Variants in DLG5 observed in about 807,000 individuals in gnomAD.
DLG5 encodes the protein disks large homolog 5.
A neutral mutation model predicts 189.8 loss-of-function variants in DLG5; 48 were observed. That is an observed-to-expected ratio of 0.25 (90% CI 0.20 to 0.32). The LOEUF (loss-of-function observed/expected upper bound fraction) is 0.32, where lower values mean the gene tolerates loss of function less well. Ranked by LOEUF, DLG5 falls within the 10% of genes least tolerant of loss-of-function variation. The probability of loss-of-function intolerance (pLI) is 1.00; values close to 1 mark genes in which losing one functional copy is unlikely to be tolerated. For synonymous variants in DLG5, 1,016 were observed against 1,054.1 expected (o/e 0.96, Z 0.70); for missense variants, 2,160 against 2,544.7 (o/e 0.85, Z 3.25).
chr10:77,940,355 A>G, the DLG5 span, among the ~76,000 whole-genome samples: 3 of 152,180 alleles, frequency 2.0e-5, no homozygotes, highest in Non-Finnish European at 4.4e-5. Flanking sequence ...CTCTGAATCA[A>G]TAGGCTTTGC....
intron 1 of DLG5, among the ~76,000 whole-genome samples, chr10:77,909,817 T>C (rs1846166883): frequency 6.6e-6 from 1 of 152,140 alleles, no homozygotes; most frequent in Non-Finnish European, 1.5e-5. Flanking sequence ...CTGCTTTTTC[T>C]TGGATCCAGC....
At chr10:77,874,801 GTGT>G (rs1316482881) in intron 1 of DLG5, among the ~76,000 whole-genome samples, 4 of 152,178 alleles carry the variant, frequency 2.6e-5, no homozygotes, top group Admixed American at 1.3e-4. Flanking sequence ...GTGTTAGCTG[GTGT>G]TATTATGGTC....
rs747521065 is a variant in DLG5 at position 77,833,893 on chromosome 10, C to A, written c.1748+21G>T. Reference sequence around the variant, plus strand: ...GCTCCCAGATGCATGCCCACTCCAGCGGGTGCCCACCCGAGCCTACTTGAG... The same window carrying A: ...GCTCCCAGATGCATGCCCACTCCAGAGGGTGCCCACCCGAGCCTACTTGAG... On this transcript the variant is annotated intron_variant, in intron 9 of 31. Transcript: ENST00000372391. The A allele has an allele frequency of 2.5e-6, 4 of 1,603,070 alleles. No homozygotes were observed. The Admixed American group carries it at 6.7e-5, about 27-fold the overall frequency.
At position 77,843,463 on chromosome 10, in the gene DLG5, C is replaced by T. The variant is rs376890245; in HGVS notation, c.1108G>A (p.Ala370Thr). 20 of 1,613,676 alleles carry T rather than the reference C, an allele frequency of 1.2e-5. No homozygotes were observed. Among genetic ancestry groups the T allele is most frequent in the South Asian group, 3.3e-5 (3 of 91,094 alleles). The change falls in exon 6 of 32, where the codon GCC becomes ACC. Residue 370 changes from alanine to threonine, a missense_variant. Ala to Thr is a moderately conservative substitution (Grantham distance 58, BLOSUM62 0). This residue lies in a region of DLG5 where 664 missense variants were observed against 838.5 expected (regional missense o/e 0.79). Transcript: ENST00000372391. ...TAGCCCTACCTCCTCAGGGAGAGGG[C>T]GCACTGGTGCTGCAGCTGGATGGCC... is the stretch of plus-strand genomic sequence containing the variant. ...DTAIQLQHQCALSLRRFEAIH... is the reference protein window; with the variant it reads ...DTAIQLQHQCTLSLRRFEAIH...
In DLG5 at chr10:77,856,763, G is replaced by T. The variant is rs1381117950; in HGVS notation, c.503C>A (p.Ala168Asp). The T allele has an allele frequency of 6.2e-7, 1 of 1,613,602 alleles. No homozygotes were observed. Among genetic ancestry groups the T allele is most frequent in the Non-Finnish European group, 8.5e-7 (1 of 1,180,004 alleles). ...AAAGGCCGTGCCATGCGTAGCAAAG[G>T]CCAGGCGCTTGCGGAGCTCGTTTCT... ...RERNELRKRL[A>D]FATHGTAFDK... is the part of the protein sequence containing the mutation. The change falls in exon 3 of 32, where the codon GCC becomes GAC. Residue 168 changes from alanine to aspartate, a missense_variant. Ala to Asp is a moderately radical substitution (Grantham distance 126). Transcript: ENST00000372391.
intron 1 of DLG5, among the ~76,000 whole-genome samples, chr10:77,909,343 C>T (rs1260445787): frequency 6.6e-6 from 1 of 152,068 alleles, no homozygotes; most frequent in African/African-American, 2.4e-5. Context: ...ACATCACACA[C>T]CAGGGCCTGT....
chr10:77,909,189 T>C (rs906964818), intron 1 of DLG5, among the ~76,000 whole-genome samples: 2 of 152,162 alleles, frequency 1.3e-5, no homozygotes, highest in Non-Finnish European at 2.9e-5. Context: ...TGTTATCTCA[T>C]GCAAGGAGAA....
chr10:77,820,797 T>G (rs1438092133), intron 15 of DLG5: 4 of 458,618 alleles, frequency 8.7e-6, no homozygotes, highest in Non-Finnish European at 1.2e-5. Flanking sequence ...GTCTATGCCC[T>G]AGGTTTTATT....
At chr10:77,844,970 G>A (rs1055002916) in intron 5 of DLG5, among the ~76,000 whole-genome samples, 9 of 152,164 alleles carry the variant, frequency 5.9e-5, no homozygotes, top group African/African-American at 2.2e-4. Flanking sequence ...ACAGGGGGAG[G>A]TGGGTTCAAA....
At chr10:77,896,580 C>T (rs979142103) in intron 1 of DLG5, among the ~76,000 whole-genome samples, 2 of 152,170 alleles carry the variant, frequency 1.3e-5, no homozygotes, top group African/African-American at 4.8e-5. Context: ...GTAGCTCACT[C>T]CTGTAATCCC....
intron 1 of DLG5, among the ~76,000 whole-genome samples, chr10:77,882,759 C>T (rs937595098): frequency 2.2e-4 from 31 of 143,138 alleles, no homozygotes; most frequent in Non-Finnish European, 4.7e-4. Context: ...TAAAAAAATA[C>T]AAAAAAAAAA....
At chr10:77,854,135 C>G in intron 4 of DLG5, 92 bp downstream of exon 4, 1 of 1,504,958 alleles carries the variant, frequency 6.6e-7, no homozygotes, top group Non-Finnish European at 8.9e-7. Flanking sequence ...AGGACTAGAA[C>G]CAGAACCCCT....
At position 77,809,604 on chromosome 10, in the gene DLG5, CT is replaced by C. The variant is rs1841657054; in HGVS notation, c.4589del (p.Glu1530GlyfsTer39). On this transcript the variant is annotated frameshift_variant, in exon 24 of 32. Coordinates refer to ENST00000372391, the MANE Select transcript of DLG5 (RefSeq NM_004747.4). LOFTEE classifies it high-confidence loss of function. Reference protein sequence around the residue: ...NLHGVFVAEVEDDSPAKGPDG... With the variant: ...NLHGVFVAEVXDDSPAKGPDG... ...CAGGACCCTTGGCAGGACTGTCATC[CT>C]CCACCTCGGCCACAAACACCCCATG... The C allele has an allele frequency of 6.2e-7, 1 of 1,614,106 alleles. No individual in the cohort carries two copies.
chr10:77,835,284 C>T (rs942458943), intron 8 of DLG5, among the ~76,000 whole-genome samples: 1 of 152,142 alleles, frequency 6.6e-6, no homozygotes, highest in Non-Finnish European at 1.5e-5. Flanking sequence ...GCATGCCCCC[C>T]ACAGCCCTAG....
intron 2 of DLG5, among the ~76,000 whole-genome samples, chr10:77,859,778 G>A (rs543488201): frequency 6.6e-6 from 1 of 152,344 alleles, no homozygotes; most frequent in South Asian, 2.1e-4. Flanking sequence ...TGACAGCCAG[G>A]ATTTCTCTGC....
chr10:77,828,711 C>A (rs554597389), intron 13 of DLG5, among the ~76,000 whole-genome samples, 171 bp downstream of exon 13: 1 of 152,218 alleles, frequency 6.6e-6, no homozygotes, highest in African/African-American at 2.4e-5. Context: ...TCCTAATTTT[C>A]TACAGTAAAT....
intron 3 of DLG5, among the ~76,000 whole-genome samples, 193 bp downstream of exon 3, chr10:77,856,537 G>A (rs941880905): frequency 5.3e-5 from 8 of 152,208 alleles, no homozygotes; most frequent in Admixed American, 2.6e-4. Context: ...TGTGGGATGG[G>A]GACCTGCCCC....
rs114200307 is a variant in DLG5 at position 77,796,614 on chromosome 10, A to G, written c.5165-20T>C. 2,772 of 1,613,524 alleles carry G rather than the reference A, an allele frequency of 1.7e-3. 38 individuals are homozygous for G. In the African/African-American group the frequency reaches 0.032, roughly 18 times the overall value. ...CCGAATCTGAGGGAGAGAGAGCAGC[A>G]GCGTCACGGACCCAGCTTGGAGTGG... On this transcript the variant is annotated intron_variant, in intron 27 of 31. Coordinates refer to ENST00000372391, the MANE Select transcript of DLG5 (RefSeq NM_004747.4). This position sits in a 1 kb window ranked among gnomAD's most constrained non-coding sequence, Gnocchi z 5.2.
Position 77,806,718 on chromosome 10 carries a change from A to AGGCCCCCCC in DLG5, c.4967+39_4967+40insGGGGGGGCC. 8.4e-4 allele frequency: 1,114 copies of AGGCCCCCCC among 1,333,164 alleles called. 1 individual carries two copies. The highest frequency in any genetic ancestry group is 1.1e-3 in the Non-Finnish European group (1,028 of 935,696). 82.6% of individuals were successfully genotyped at this position (1,333,164 alleles called of 1,614,324 possible). On this transcript the variant is annotated intron_variant, in intron 26 of 31. Transcript: ENST00000372391. ...GCTCCATGGCTGGTGGCCCTCGGCGACCCCTGCCCCACCCCACCCCAGGCC... is the reference window on the plus strand; with the variant it reads ...GCTCCATGGCTGGTGGCCCTCGGCGAGGCCCCCCCCCCCTGCCCCACCCCACCCCAGGCC...
Sources: allele counts gnomAD v4.1 joint callset (sites outside exome capture counted in the v4.1 genomes callset), GRCh38; gene constraint gnomAD v4.1.1; regional missense constraint gnomAD v4.1.1; non-coding constraint Gnocchi (gnomAD v3.1); transcripts MANE v1.5; gene names NCBI Gene and HGNC (gene_info 2026-07-23, HGNC 2026-07-21).